Variants in DPP10 observed in about 807,000 individuals in gnomAD.
DPP10 encodes inactive dipeptidyl peptidase 10.
A neutral mutation model predicts 120.9 loss-of-function variants in DPP10; 33 were observed. That is an observed-to-expected ratio of 0.27 (90% CI 0.21 to 0.37). The LOEUF (loss-of-function observed/expected upper bound fraction) is 0.37. Ranked by LOEUF, DPP10 falls within the 10% of genes least tolerant of loss-of-function variation. The pLI is 1.00. For synonymous variants in DPP10, 337 were observed against 326.1 expected (o/e 1.03, Z -0.36); for missense variants, 816 against 942.8 (o/e 0.87, Z 1.76).
At chr2:115,465,283 G>A (rs1186245629) in intron 3 of DPP10, among the ~76,000 whole-genome samples, 1 of 151,922 alleles carries the variant, frequency 6.6e-6, no homozygotes, top group Non-Finnish European at 1.5e-5. Context: ...ATCCTATTAC[G>A]CATGTGAAGC....
intron 3 of DPP10, among the ~76,000 whole-genome samples, chr2:115,395,037 AC>A (rs2067581792): frequency 6.6e-6 from 1 of 152,226 alleles, no homozygotes. Context: ...GTTTTCACGT[AC>A]TACACTCTTC....
chr2:115,546,602 G>T (rs1473029566), intron 5 of DPP10, among the ~76,000 whole-genome samples: 1 of 151,992 alleles, frequency 6.6e-6, no homozygotes, highest in East Asian at 1.9e-4. Flanking sequence ...GATAATCATG[G>T]TCCTGATAAA....
In DPP10 at chr2:114,478,128, A is replaced by G. The variant is rs896475974; in HGVS notation, c.60+35290A>G. Among the ~76,000 whole-genome samples the G allele has an allele frequency of 1.3e-4, 20 of 152,174 alleles. No individual in the cohort carries two copies. The East Asian group carries it at 3.9e-3, about 29-fold the overall frequency. On this transcript the variant is annotated intron_variant, in intron 1 of 25. Coordinates refer to ENST00000410059, the MANE Select transcript of DPP10 (RefSeq NM_020868.6). ...CTGAAAACAAAACCACACAGACAGT[A>G]TAAAAAAGCTACGGATAAATACTTC... is the stretch of plus-strand genomic sequence containing the variant.
chr2:114,841,993 G>C (rs1356879030), intron 1 of DPP10, among the ~76,000 whole-genome samples: 5 of 152,072 alleles, frequency 3.3e-5, no homozygotes, highest in Non-Finnish European at 5.9e-5. Flanking sequence ...GCTAGAGCTA[G>C]AGTAACCATC....
intron 1 of DPP10, among the ~76,000 whole-genome samples, chr2:114,776,370 A>G (rs1681739425): frequency 6.6e-6 from 1 of 152,036 alleles, no homozygotes; most frequent in Non-Finnish European, 1.5e-5. Context: ...TGCTTGAATG[A>G]CCTTTGCTGC....
chr2:115,667,876 A>G (rs897080294), intron 5 of DPP10, among the ~76,000 whole-genome samples: 1 of 151,858 alleles, frequency 6.6e-6, no homozygotes, highest in African/African-American at 2.4e-5. Context: ...TTCCCATCTA[A>G]TCATGCATAT....
intron 3 of DPP10, among the ~76,000 whole-genome samples, chr2:115,498,623 T>G (rs747082089): frequency 6.6e-6 from 1 of 151,076 alleles, no homozygotes; most frequent in Non-Finnish European, 1.5e-5. Flanking sequence ...GTAAAAAGAT[T>G]ATGATTTAAA....
chr2:115,443,037 CTTTTT>C (rs1398396721), intron 3 of DPP10, among the ~76,000 whole-genome samples: 3 of 152,090 alleles, frequency 2.0e-5, no homozygotes, highest in Non-Finnish European at 1.5e-5. Flanking sequence ...TAAAGTTTCT[CTTTTT>C]TATTTTACAT....
At chr2:115,280,979 T>C (rs568650920) in intron 1 of DPP10, among the ~76,000 whole-genome samples, 14 of 152,304 alleles carry the variant, frequency 9.2e-5, no homozygotes, top group African/African-American at 3.1e-4. Flanking sequence ...GGTATGGAGA[T>C]GAAACTGGAA....
chr2:115,528,645 T>A (rs1447282494), intron 5 of DPP10, among the ~76,000 whole-genome samples: 1 of 152,028 alleles, frequency 6.6e-6, no homozygotes, highest in African/African-American at 2.4e-5. Flanking sequence ...CTAGATAAAC[T>A]GTGGTCCATT....
chr2:115,641,002 G>A (rs983504893), intron 5 of DPP10, among the ~76,000 whole-genome samples: 9 of 151,906 alleles, frequency 5.9e-5, no homozygotes, highest in African/African-American at 2.2e-4. Context: ...GATAGGAACT[G>A]GAAAATAGCT....
chr2:115,391,871 C>T (rs2067340413), intron 3 of DPP10, among the ~76,000 whole-genome samples: 4 of 151,988 alleles, frequency 2.6e-5, no homozygotes, highest in Admixed American at 2.6e-4. Flanking sequence ...TCTTTGTTTG[C>T]CTTGCTCAGT....
chr2:114,443,872 G>A (rs576103179), intron 1 of DPP10, among the ~76,000 whole-genome samples: 3 of 151,936 alleles, frequency 2.0e-5, no homozygotes, highest in Admixed American at 2.0e-4. Context: ...TAATAATATT[G>A]CATAGACTGT....
chr2:114,882,953 T>C (rs746018765), intron 1 of DPP10, among the ~76,000 whole-genome samples: 1 of 152,206 alleles, frequency 6.6e-6, no homozygotes, highest in Non-Finnish European at 1.5e-5. Flanking sequence ...CCAGCTCTAT[T>C]GGGCTATTCA....
intron 5 of DPP10, among the ~76,000 whole-genome samples, chr2:115,611,817 TTCTC>T (rs537982424): frequency 5.9e-5 from 9 of 151,358 alleles, no homozygotes; most frequent in Admixed American, 1.3e-4. Flanking sequence ...TCTGAAATAT[TTCTC>T]TCTCTCTCTC....
At chr2:115,257,360 G>T (rs959444292) in intron 1 of DPP10, among the ~76,000 whole-genome samples, 91 of 152,304 alleles carry the variant, frequency 6.0e-4, no homozygotes, top group African/African-American at 2.1e-3. Flanking sequence ...TTGACTCACA[G>T]TTCTGCAGGT....
intron 1 of DPP10, chr2:114,833,503 G>A (rs1167317035): frequency 1.3e-5 from 2 of 152,240 alleles, no homozygotes; most frequent in East Asian, 3.9e-4. Flanking sequence ...AGCTCAGAAG[G>A]AGTGAGCATA....
At chr2:115,735,343 C>T (rs1338336119) in intron 8 of DPP10, among the ~76,000 whole-genome samples, 1 of 151,910 alleles carries the variant, frequency 6.6e-6, no homozygotes, top group East Asian at 1.9e-4. Context: ...TGGAGAAATG[C>T]CCCCATTAAT....
At chr2:115,383,900 C>G (rs2066639095) in intron 3 of DPP10, among the ~76,000 whole-genome samples, 2 of 152,102 alleles carry the variant, frequency 1.3e-5, no homozygotes, top group Admixed American at 1.3e-4. Flanking sequence ...TGAAAGACTG[C>G]TGTATCTTTT....
Sources: gnomAD v4.1 joint callset for allele counts (sites outside exome capture counted in the v4.1 genomes callset) on GRCh38, gnomAD v4.1.1 for gene constraint, MANE v1.5 for transcripts, NCBI Gene and HGNC (gene_info 2026-07-23, HGNC 2026-07-21) for gene names.